The following RAB8A variants were observed in gnomAD, a reference collection of about 807,000 sequenced individuals.
RAB8A encodes RAB8A, member RAS oncogene family, also known as ras-related protein Rab-8A.
A neutral mutation model predicts 29.2 loss-of-function variants in RAB8A; 5 were observed. The ratio of observed to expected loss-of-function variants is 0.17; its 90% CI spans 0.09 to 0.36. RAB8A has a LOEUF of 0.36. RAB8A is among the 10% of genes least tolerant of loss of function. RAB8A has a pLI of 1.00. For missense variants in RAB8A, 171 were observed against 272.2 expected, an observed-to-expected ratio of 0.63 and a Z score of 2.62; for synonymous variants, 108 against 99.9, an observed-to-expected ratio of 1.08 and a Z score of -0.49.
chr19:16,129,045 G>T (rs1191400916), intron 6 of RAB8A, among the ~76,000 whole-genome samples: 3 of 152,214 alleles, frequency 2.0e-5, no homozygotes, highest in African/African-American at 7.2e-5. Flanking sequence ...GCCAGGCAAG[G>T]ACTCCGAGTG....
chr19:16,134,137 T>C lies in RAB8A; in HGVS notation c.*1833T>C. 1 of 152,166 alleles carries C rather than the reference T, an allele frequency of 6.6e-6. No individual in the cohort carries two copies. Among genetic ancestry groups the C allele is most frequent in the Non-Finnish European group, 1.5e-5 (1 of 68,104 alleles). 9.4% of individuals were successfully genotyped at this position (152,166 alleles called of 1,614,324 possible). ...CAGCAAAGGGAAAAGGCATGCAGAG[T>C]GAAGTCCAGAGGCAACCAGACAGAA... On this transcript the variant is annotated 3_prime_UTR_variant, in exon 8 of 8. Coordinates refer to ENST00000300935, the MANE Select transcript of RAB8A (RefSeq NM_005370.5).
At position 16,123,506 on chromosome 19, in the gene RAB8A, G is replaced by C. The variant is rs1206119685; in HGVS notation, c.246+1696G>C. ...CCTGTAATCCCAGCTACTCAGGAGG[G>C]TGAGGCAGGAGAATCGCTTAAACCT... On this transcript the variant is annotated intron_variant, in intron 3 of 7. Coordinates refer to ENST00000300935, the MANE Select transcript of RAB8A (RefSeq NM_005370.5). Among the ~76,000 whole-genome samples, 5 of 152,288 alleles carry C rather than the reference G, an allele frequency of 3.3e-5. No homozygotes were observed. The East Asian group carries it at 9.6e-4, about 29-fold the overall frequency.
Position 16,132,326 on chromosome 19 carries a change from C to T in RAB8A, c.*22C>T. 1 of 1,609,314 alleles carries T rather than the reference C, an allele frequency of 6.2e-7. No homozygotes were observed. The highest frequency in any genetic ancestry group is 8.5e-7 in the Non-Finnish European group (1 of 1,177,328). On this transcript the variant is annotated 3_prime_UTR_variant, in exon 8 of 8. Coordinates refer to ENST00000300935, the MANE Select transcript of RAB8A (RefSeq NM_005370.5). This position sits in a 1 kb window ranked among gnomAD's most constrained non-coding sequence, Gnocchi z 5.6. Reference sequence around the variant, plus strand: ...GTGAGGAACACCGCCTTACTCTGAGCCTCGCTCAGCCCAGCTGACTGTGCC... The same window carrying T: ...GTGAGGAACACCGCCTTACTCTGAGTCTCGCTCAGCCCAGCTGACTGTGCC...
At chr19:16,128,491 CT>C (rs1317028883) in intron 6 of RAB8A, among the ~76,000 whole-genome samples, 1 of 152,158 alleles carries the variant, frequency 6.6e-6, no homozygotes, top group Non-Finnish European at 1.5e-5. Context: ...CTGATGGGAC[CT>C]GGGCCCATGC....
chr19:16,130,229 A>AGGAAGT lies in RAB8A; in HGVS notation c.531+625_531+626insGGAAGT, dbSNP rs2090919405. On this transcript the variant is annotated intron_variant, in intron 7 of 7. Coordinates refer to ENST00000300935, the MANE Select transcript of RAB8A (RefSeq NM_005370.5). ...CAATGGTGCTTTCTTGATGGAATCA[A>AGGAAGT]ACACTTCCCTGTACTTTGGGGGCAT... Among the ~76,000 whole-genome samples, 3 of 152,026 alleles carry AGGAAGT rather than the reference A, an allele frequency of 2.0e-5. No individual in the cohort carries two copies. In the South Asian group the frequency reaches 6.2e-4, roughly 32 times the overall value.
Position 16,125,059 on chromosome 19 carries a change from T to G in RAB8A, c.247-411T>G. On this transcript the variant is annotated intron_variant, in intron 3 of 7. Coordinates refer to ENST00000300935, the MANE Select transcript of RAB8A (RefSeq NM_005370.5). The surrounding 1 kb of genome is among the most constrained non-coding windows in gnomAD (Gnocchi z 5.0). ...GGCAGAGCGTGGGGTGAGCAAGGGG[T>G]GAAGAGGAGGCCGATTGCAGGGGAG... 3.7e-6 allele frequency: 1 copy of G among 273,384 alleles called. No individual in the cohort carries two copies. Among genetic ancestry groups the G allele is most frequent in the Non-Finnish European group, 7.4e-6 (1 of 135,882 alleles). The allele number at this position is 273,384 out of a possible 1,614,324, so 16.9% of individuals were successfully genotyped here. A position where few individuals can be genotyped will look rare whatever the true frequency, so the allele number is the denominator to read the frequency against.
intron 6 of RAB8A, 117 bp downstream of exon 6, chr19:16,128,208 G>A (rs2090910365): frequency 9.1e-7 from 1 of 1,103,196 alleles, no homozygotes; most frequent in Non-Finnish European, 1.3e-6. Context: ...TCGGGCTCAG[G>A]GCTGCCAGTC....
intron 3 of RAB8A, among the ~76,000 whole-genome samples, chr19:16,123,019 T>C (rs2090881673): frequency 6.6e-6 from 1 of 152,166 alleles, no homozygotes; most frequent in South Asian, 2.1e-4. Context: ...CACCAGGCAG[T>C]GGGCCCAGGT....
At chr19:16,113,261 T>G (rs1191143729) in intron 1 of RAB8A, among the ~76,000 whole-genome samples, 1 of 152,026 alleles carries the variant, frequency 6.6e-6, no homozygotes, top group Non-Finnish European at 1.5e-5. Flanking sequence ...AGTCCAGGAG[T>G]TTATTCCGAC....
chr19:16,120,437 C>T (rs776319848), intron 2 of RAB8A, among the ~76,000 whole-genome samples: 3 of 151,052 alleles, frequency 2.0e-5, no homozygotes, highest in African/African-American at 7.3e-5. Flanking sequence ...TTCAGCTTCC[C>T]GAGTAGCTGG....
chr19:16,118,622 G>A (rs1003981853), intron 2 of RAB8A, among the ~76,000 whole-genome samples: 1 of 152,222 alleles, frequency 6.6e-6, no homozygotes, highest in Non-Finnish European at 1.5e-5. Context: ...AGTGCCAGGT[G>A]CTGGTGACGC....
At chr19:16,128,535 C>T (rs372367468) in intron 6 of RAB8A, among the ~76,000 whole-genome samples, 6 of 152,226 alleles carry the variant, frequency 3.9e-5, no homozygotes, top group African/African-American at 1.2e-4. Flanking sequence ...GACCCCAGCC[C>T]TGCGGCCGAT....
chr19:16,126,120 C>A (rs761963596), intron 4 of RAB8A: 26 of 190,772 alleles, frequency 1.4e-4, no homozygotes, highest in Non-Finnish European at 2.5e-4. Flanking sequence ...CTTTCTATAA[C>A]TAACCATGTG....
At chr19:16,118,163 C>CA in intron 1 of RAB8A, 63 bp from the exon 2 acceptor site, 2 of 1,493,430 alleles carry the variant, frequency 1.3e-6, no homozygotes, top group Non-Finnish European at 1.8e-6. Flanking sequence ...TGGTGGCGCC[C>CA]AGCTCAGACA....
At chr19:16,117,106 C>T (rs773637391) in intron 1 of RAB8A, among the ~76,000 whole-genome samples, 6 of 152,086 alleles carry the variant, frequency 3.9e-5, no homozygotes, top group African/African-American at 9.7e-5. Flanking sequence ...ATGAGTACTC[C>T]GTTCCTTTTT....
Position 16,125,879 on chromosome 19 carries a change from C to A in RAB8A, c.324+332C>A. 2.3e-6 allele frequency: 1 copy of A among 434,094 alleles called. No individual in the cohort carries two copies. The highest frequency in any genetic ancestry group is 4.3e-6 in the Non-Finnish European group (1 of 230,102). The allele number at this position is 434,094 out of a possible 1,614,324, so 26.9% of individuals were successfully genotyped here. A position where few individuals can be genotyped will look rare whatever the true frequency, so the allele number is the denominator to read the frequency against. On this transcript the variant is annotated intron_variant, in intron 4 of 7. Coordinates refer to ENST00000300935, the MANE Select transcript of RAB8A (RefSeq NM_005370.5). The surrounding 1 kb of genome is among the most constrained non-coding windows in gnomAD (Gnocchi z 5.0). ...TTTCTAGAGAAGGAAGGGTCTAGCA[C>A]AGGTGTGACCCTTGTAGTTGGAGGG...
At chr19:16,131,510 G>T (rs1473565349) in intron 7 of RAB8A, among the ~76,000 whole-genome samples, 5 of 151,972 alleles carry the variant, frequency 3.3e-5, no homozygotes, top group Admixed American at 3.3e-4. Flanking sequence ...GGGGATGGAT[G>T]GATGGTTGAT....
At chr19:16,129,755 G>T in intron 7 of RAB8A, 151 bp downstream of exon 7, 1 of 793,808 alleles carries the variant, frequency 1.3e-6, no homozygotes, top group Non-Finnish European at 2.1e-6. Context: ...AGAGTTTGCA[G>T]GTGTGGCTGG....
rs2144995020 is a variant in RAB8A, at chr19:16,127,757, G to A, written c.414+231G>A. 9.9e-6 allele frequency: 6 copies of A among 605,318 alleles called. No individual in the cohort carries two copies. The East Asian group carries it at 1.7e-4, about 17-fold the overall frequency. 37.5% of individuals were successfully genotyped at this position (605,318 alleles called of 1,614,324 possible). ...CCGCTCCAGACTTTCAAGACCACAG[G>A]AGCGGGGAACAGAGCCATAGTTTGA... On this transcript the variant is annotated intron_variant, in intron 5 of 7. Coordinates refer to ENST00000300935, the MANE Select transcript of RAB8A (RefSeq NM_005370.5). The surrounding 1 kb of genome is among the most constrained non-coding windows in gnomAD (Gnocchi z 4.8).
Sources: gnomAD v4.1 joint callset for allele counts (sites outside exome capture counted in the v4.1 genomes callset) on GRCh38, gnomAD v4.1.1 for gene constraint, Gnocchi (gnomAD v3.1) non-coding constraint, MANE v1.5 for transcripts, NCBI Gene and HGNC (gene_info 2026-07-23, HGNC 2026-07-21) for gene names.